The following LPCAT2 variants were observed in gnomAD, a reference collection of about 807,000 sequenced individuals.
The protein encoded by LPCAT2 is 1-AGP acyltransferase 11.
A neutral mutation model predicts 64.7 loss-of-function variants in LPCAT2; 58 were observed. That is an observed-to-expected ratio of 0.90 (90% confidence interval 0.73 to 1.12). The LOEUF (loss-of-function observed/expected upper bound fraction) is 1.12, where lower values mean the gene tolerates loss of function less well. Ranked by LOEUF, LPCAT2 falls within the 50% of genes most tolerant of loss-of-function variation. The pLI is 0.00. For synonymous variants in LPCAT2, 252 were observed against 245.3 expected, an observed-to-expected ratio of 1.03 and a Z score of -0.26; for missense variants, 579 against 669.8, an observed-to-expected ratio of 0.86 and a Z score of 1.50.
At chr16:55,551,191 G>C in intron 11 of LPCAT2, 89 bp downstream of exon 11, 1 of 1,237,270 alleles carries the variant, frequency 8.1e-7, no homozygotes. Context: ...AAACTTGATA[G>C]GTCAGTGTTA....
chr16:55,546,427 T>A (rs1400673953), intron 9 of LPCAT2, among the ~76,000 whole-genome samples: 1 of 152,178 alleles, frequency 6.6e-6, no homozygotes, highest in Non-Finnish European at 1.5e-5. Context: ...CCTCCAGGTG[T>A]GCATCCTCTT....
At chr16:55,567,484 A>T (rs768938494) in intron 11 of LPCAT2, 16 of 1,613,268 alleles carry the variant, frequency 9.9e-6, no homozygotes, top group Non-Finnish European at 1.3e-5. Context: ...GAATGGCTGC[A>T]GTTGACCATG....
intron 11 of LPCAT2, among the ~76,000 whole-genome samples, chr16:55,553,237 CA>C (rs112237688): frequency 0.091 from 13,105 of 144,124 alleles, 812 homozygotes; most frequent in African/African-American, 0.17. Flanking sequence ...AACTCCATCT[CA>C]AAAAAAAAAA....
chr16:55,585,656 T>G lies in LPCAT2; in HGVS notation c.*2558T>G, dbSNP rs1963936458. The G allele has an allele frequency of 6.6e-6, 1 of 152,234 alleles. No individual in the cohort carries two copies. The highest frequency in any genetic ancestry group is 2.1e-4 in the South Asian group (1 of 4,836). The allele number at this position is 152,234 out of a possible 1,614,324, so 9.4% of individuals were successfully genotyped here. On this transcript the variant is annotated 3_prime_UTR_variant, in exon 14 of 14. Transcript: ENST00000262134. ...TGTTGAAGGATAATGACATACTGAC[T>G]GCTTACAGACCAAGTTGCTTGCATT...
intron 6 of LPCAT2, among the ~76,000 whole-genome samples, chr16:55,533,803 C>G (rs1963288095): frequency 6.6e-6 from 1 of 152,078 alleles, no homozygotes; most frequent in South Asian, 2.1e-4. Context: ...ATTGATTTTA[C>G]CACCATTTTC....
At chr16:55,562,021 T>G (rs971475353) in intron 11 of LPCAT2, among the ~76,000 whole-genome samples, 4 of 152,032 alleles carry the variant, frequency 2.6e-5, no homozygotes, top group Non-Finnish European at 2.9e-5. Context: ...AATTACATAA[T>G]TTCCAAAGTA....
intron 2 of LPCAT2, 104 bp downstream of exon 2, chr16:55,525,751 C>A: frequency 1.3e-6 from 1 of 772,804 alleles, no homozygotes; most frequent in Non-Finnish European, 1.8e-6. Context: ...GATCTAACTG[C>A]TGTTAGATAA....
chr16:55,556,681 G>A (rs991170285), intron 11 of LPCAT2, among the ~76,000 whole-genome samples: 1 of 152,164 alleles, frequency 6.6e-6, no homozygotes, highest in Non-Finnish European at 1.5e-5. Flanking sequence ...CCAGGAGGCG[G>A]AGCTTGCAGT....
intron 1 of LPCAT2, among the ~76,000 whole-genome samples, chr16:55,516,476 A>G (rs1963013196): frequency 6.6e-6 from 1 of 152,228 alleles, no homozygotes; most frequent in African/African-American, 2.4e-5. Context: ...ATACCATGCA[A>G]ACAGTAGCCA....
intron 6 of LPCAT2, 28 bp from the exon 7 acceptor site, chr16:55,534,415 A>C: frequency 6.9e-7 from 1 of 1,452,366 alleles, no homozygotes. Context: ...CCTCCAGACC[A>C]ACAGCTAAAA....
chr16:55,556,822 A>G (rs1963582225), intron 11 of LPCAT2: 1 of 152,218 alleles, frequency 6.6e-6, no homozygotes, highest in Admixed American at 6.5e-5. Context: ...CAACACCCTC[A>G]TTGTTTGTAC....
In LPCAT2 at chr16:55,531,900, C is replaced by T. The variant is rs776262400; in HGVS notation, c.643-14C>T. On this transcript the variant is annotated splice_polypyrimidine_tract_variant and intron_variant, in intron 4 of 13. Transcript: ENST00000262134. The stretch of plus-strand genomic sequence containing the variant: ...ATTAGATTGAAATATTAAATCTATT[C>T]CTTTTTTCCCAAGATACTAGTTTTC... 2 of 1,508,220 alleles carry T rather than the reference C, an allele frequency of 1.3e-6. No individual in the cohort carries two copies. The highest frequency in any genetic ancestry group is 1.8e-6 in the Non-Finnish European group (2 of 1,085,734). The allele number at this position is 1,508,220 out of a possible 1,614,324, so 93.4% of individuals were successfully genotyped here.
At chr16:55,531,425 G>A (rs1391157302) in intron 4 of LPCAT2, among the ~76,000 whole-genome samples, 2 of 152,138 alleles carry the variant, frequency 1.3e-5, no homozygotes. Flanking sequence ...TATTCCATAT[G>A]TCAACTAATT....
intron 11 of LPCAT2, among the ~76,000 whole-genome samples, chr16:55,558,692 T>G (rs1193390081): frequency 6.6e-6 from 1 of 152,214 alleles, no homozygotes; most frequent in Non-Finnish European, 1.5e-5. Context: ...CTGTTACAAC[T>G]ATTCATCTCC....
At chr16:55,548,892 A>G (rs755286451) in intron 9 of LPCAT2, among the ~76,000 whole-genome samples, 1 of 152,182 alleles carries the variant, frequency 6.6e-6, no homozygotes, top group Non-Finnish European at 1.5e-5. Flanking sequence ...TAAGGATAGT[A>G]TTCACTCCTA....
intron 11 of LPCAT2, among the ~76,000 whole-genome samples, chr16:55,572,121 C>T (rs1963776960): frequency 6.6e-6 from 1 of 152,136 alleles, no homozygotes; most frequent in Non-Finnish European, 1.5e-5. Context: ...TTCAAAACCA[C>T]TCGTATGTTA....
chr16:55,579,339 C>A, intron 13 of LPCAT2, 95 bp downstream of exon 13: 1 of 1,162,170 alleles, frequency 8.6e-7, no homozygotes, highest in Non-Finnish European at 1.2e-6. Flanking sequence ...TAACTAATTA[C>A]ATTAATAATA....
chr16:55,566,098 T>C (rs1394917592), intron 11 of LPCAT2, among the ~76,000 whole-genome samples: 2 of 152,164 alleles, frequency 1.3e-5, no homozygotes, highest in Non-Finnish European at 2.9e-5. Context: ...ATTTATATGA[T>C]ACATTTTTTA....
intron 9 of LPCAT2, among the ~76,000 whole-genome samples, chr16:55,549,067 T>C (rs1963484831): frequency 6.6e-6 from 1 of 152,118 alleles, no homozygotes; most frequent in Non-Finnish European, 1.5e-5. Context: ...CAGAAGCATG[T>C]AGATATAAGG....
Sources: allele counts gnomAD v4.1 joint callset (sites outside exome capture counted in the v4.1 genomes callset), GRCh38; gene constraint gnomAD v4.1.1; transcripts MANE v1.5; gene names NCBI Gene and HGNC (gene_info 2026-07-23, HGNC 2026-07-21).